NRXN1: variants seen among roughly 807,000 people sequenced by gnomAD.
The protein encoded by NRXN1 is neurexin-1.
NRXN1 carries 39 observed loss-of-function variants against 150.9 expected under a neutral mutation model. The ratio of observed to expected loss-of-function variants is 0.26; its 90% confidence interval spans 0.20 to 0.34. The LOEUF (loss-of-function observed/expected upper bound fraction) is 0.34. Among genes scored for constraint, NRXN1 ranks in the 10% least tolerant of loss-of-function variants. The pLI is 1.00. For synonymous variants in NRXN1, 924 were observed against 757.0 expected, an observed-to-expected ratio of 1.22 and a Z score of -3.62; for missense variants, 1,815 against 1,949.9, an observed-to-expected ratio of 0.93 and a Z score of 1.30.
intron 12 of NRXN1, among the ~76,000 whole-genome samples, chr2:50,510,394 G>A (rs1437073180): frequency 7.0e-6 from 1 of 141,926 alleles, no homozygotes. Context: ...GCTGAGGCAG[G>A]AGAATTGCTT....
chr2:50,864,820 T>C (rs1198913382), intron 5 of NRXN1, among the ~76,000 whole-genome samples: 1 of 151,976 alleles, frequency 6.6e-6, no homozygotes, highest in African/African-American at 2.4e-5. Context: ...AAGCAGTGGT[T>C]TTCAGGTATC....
intron 19 of NRXN1, among the ~76,000 whole-genome samples, chr2:50,069,846 GGTTTTT>G (rs1183607835): frequency 2.9e-4 from 19 of 66,304 alleles, no homozygotes; most frequent in Admixed American, 1.7e-3. Flanking sequence ...AGATTTTGGG[GGTTTTT>G]TTTTTTTTTT....
At chr2:51,031,054 A>G (rs985917970) in intron 1 of NRXN1, among the ~76,000 whole-genome samples, 1 of 152,072 alleles carries the variant, frequency 6.6e-6, no homozygotes. Context: ...ATATATATGT[A>G]CATATAGATA....
At chr2:50,499,947 CAAAA>C (rs34753485) in intron 13 of NRXN1, among the ~76,000 whole-genome samples, 2 of 87,696 alleles carry the variant, frequency 2.3e-5, no homozygotes, top group Non-Finnish European at 2.4e-5. Context: ...GACTCCATCT[CAAAA>C]AAAAAAAAAA....
intron 5 of NRXN1, among the ~76,000 whole-genome samples, chr2:50,781,269 C>A (rs1704311968): frequency 6.6e-6 from 1 of 151,716 alleles, no homozygotes; most frequent in African/African-American, 2.4e-5. Context: ...CAGAGAGAAA[C>A]ATTATATTTA....
chr2:50,842,767 T>C (rs1001416262), intron 5 of NRXN1, among the ~76,000 whole-genome samples: 8 of 152,156 alleles, frequency 5.3e-5, no homozygotes, highest in Admixed American at 1.3e-4. Flanking sequence ...AATTATCACA[T>C]TGGTATTAGC....
At chr2:50,669,820 A>G (rs1688584252) in intron 5 of NRXN1, among the ~76,000 whole-genome samples, 1 of 150,776 alleles carries the variant, frequency 6.6e-6, no homozygotes, top group Non-Finnish European at 1.5e-5. Flanking sequence ...ATAAATAAAT[A>G]AATAAAAATA....
chr2:50,187,222 G>C (rs1471666976), intron 18 of NRXN1, among the ~76,000 whole-genome samples: 6 of 152,032 alleles, frequency 3.9e-5, no homozygotes, highest in African/African-American at 1.4e-4. Context: ...CACATCCTGA[G>C]AAACAGGAAC....
At chr2:50,542,899 T>C (rs533259460) in intron 9 of NRXN1, among the ~76,000 whole-genome samples, 26 of 152,272 alleles carry the variant, frequency 1.7e-4, no homozygotes, top group African/African-American at 4.8e-4. Flanking sequence ...CTCATAGATA[T>C]GAGCATAGTG....
At chr2:50,434,153 G>A (rs935797763) in intron 17 of NRXN1, among the ~76,000 whole-genome samples, 13 of 143,040 alleles carry the variant, frequency 9.1e-5, no homozygotes, top group Non-Finnish European at 1.6e-4. Context: ...TCCGCCTCCC[G>A]GGTTCGCGCC....
chr2:50,184,413 T>A (rs529111346), intron 18 of NRXN1, among the ~76,000 whole-genome samples: 41 of 152,120 alleles, frequency 2.7e-4, no homozygotes, highest in African/African-American at 9.6e-4. Flanking sequence ...AATAAAAATG[T>A]CACCTAACAT....
chr2:50,411,802 C>G (rs1272153178), intron 17 of NRXN1, among the ~76,000 whole-genome samples: 1 of 152,332 alleles, frequency 6.6e-6, no homozygotes, highest in Non-Finnish European at 1.5e-5. Flanking sequence ...GCTGCCACCC[C>G]GTCCCGGAGG....
intron 5 of NRXN1, among the ~76,000 whole-genome samples, chr2:50,711,721 C>A (rs1454606933): frequency 1.3e-5 from 2 of 152,000 alleles, no homozygotes; most frequent in African/African-American, 4.8e-5. Flanking sequence ...ACCCCGAATG[C>A]AACAGTGTTG....
At chr2:50,953,147 A>G (rs1420128428) in intron 2 of NRXN1, among the ~76,000 whole-genome samples, 1 of 152,204 alleles carries the variant, frequency 6.6e-6, no homozygotes, top group African/African-American at 2.4e-5. Flanking sequence ...GGAATTGCAC[A>G]ATAGGATGAG....
In NRXN1 at chr2:50,829,688, G is replaced by A. The variant is rs1031068730; in HGVS notation, c.832+92181C>T. 143 of 1,607,244 alleles carry A rather than the reference G, an allele frequency of 8.9e-5. No homozygotes were observed. The African/African-American group carries it at 1.1e-3, about 12-fold the overall frequency. ...TAACAGGCTGACACAGCGGAGCGCC[G>A]CGCCAGGCCGCCCGCACACCCAGAG... On this transcript the variant is annotated intron_variant, in intron 5 of 22. Coordinates refer to ENST00000401669, the MANE Select transcript of NRXN1 (RefSeq NM_001330078.2).
chr2:50,511,343 C>T (rs146309993), intron 12 of NRXN1, among the ~76,000 whole-genome samples: 98 of 152,336 alleles, frequency 6.4e-4, no homozygotes, highest in African/African-American at 2.3e-3. Context: ...GTGCGGACCA[C>T]AGTGCGCCCA....
chr2:50,538,165 A>G, intron 10 of NRXN1, 88 bp downstream of exon 10: 9 of 1,434,456 alleles, frequency 6.3e-6, no homozygotes, highest in Non-Finnish European at 8.5e-6. Flanking sequence ...AGTATACATT[A>G]CGTTTCAATG....
chr2:50,177,774 ACTCTCTCTCTCTCT>A (rs72085403), intron 18 of NRXN1, among the ~76,000 whole-genome samples: 364 of 131,260 alleles, frequency 2.8e-3, no homozygotes, highest in African/African-American at 9.7e-3. Context: ...TAACTAACTA[ACTCTCTCTCTCTCT>A]CTCTCTCTCT....
intron 17 of NRXN1, among the ~76,000 whole-genome samples, chr2:50,329,893 T>C (rs1473941616): frequency 6.6e-6 from 1 of 151,066 alleles, no homozygotes; most frequent in Non-Finnish European, 1.5e-5. Context: ...AGGCTGGTCT[T>C]GAAATCCTGA....
Sources: allele counts gnomAD v4.1 joint callset (sites outside exome capture counted in the v4.1 genomes callset), GRCh38; gene constraint gnomAD v4.1.1; transcripts MANE v1.5; gene names NCBI Gene and HGNC (gene_info 2026-07-23, HGNC 2026-07-21).